Variants in PNISR observed in about 807,000 individuals in gnomAD.
PNISR encodes the protein PNN interacting serine and arginine rich protein, also known as arginine/serine-rich protein PNISR.
A neutral mutation model predicts 93.4 loss-of-function variants in PNISR; 20 were observed. That is an observed-to-expected ratio of 0.21 (90% confidence interval 0.15 to 0.31). The LOEUF (loss-of-function observed/expected upper bound fraction) is 0.31, where lower values mean the gene tolerates loss of function less well. Among genes scored for constraint, PNISR ranks in the 10% least tolerant of loss-of-function variants. The probability of loss-of-function intolerance (pLI) is 1.00; values close to 1 mark genes in which losing one functional copy is unlikely to be tolerated. For synonymous variants in PNISR, 305 were observed against 306.5 expected, an observed-to-expected ratio of 0.99 and a Z score of 0.05; for missense variants, 893 against 985.4, an observed-to-expected ratio of 0.91 and a Z score of 1.25.
Position 99,421,830 on chromosome 6 carries a change from C to T in PNISR, c.-112+3385G>A, listed in dbSNP as rs1778599690. On this transcript the variant is annotated intron_variant, in intron 1 of 11. Transcript: ENST00000369239. ...CTTAAATGTATCTATATTAGAACTT[C>T]ATCGCTTTGAGGTCCTAAAACAACT... Among the ~76,000 whole-genome samples, 12 of 152,294 alleles carry T rather than the reference C, an allele frequency of 7.9e-5. No individual in the cohort carries two copies. The South Asian group carries it at 2.5e-3, about 32-fold the overall frequency.
intron 3 of PNISR, among the ~76,000 whole-genome samples, 200 bp downstream of exon 3, chr6:99,414,372 A>C (rs1411563944): frequency 1.3e-5 from 2 of 152,252 alleles, no homozygotes; most frequent in African/African-American, 4.8e-5. Flanking sequence ...AAAGCTTTCT[A>C]CATTTTGAGA....
chr6:99,423,842 G>C (rs1041841870), intron 1 of PNISR, among the ~76,000 whole-genome samples: 1 of 152,088 alleles, frequency 6.6e-6, no homozygotes, highest in Non-Finnish European at 1.5e-5. Context: ...TAAGCTCTAT[G>C]GGGTTGATTT....
intron 1 of PNISR, 46 bp from the exon 2 acceptor site, chr6:99,416,474 C>G: frequency 1.6e-6 from 1 of 639,632 alleles, no homozygotes; most frequent in Non-Finnish European, 2.2e-6. Flanking sequence ...TATCATGATT[C>G]ACATAAAAAT....
At chr6:99,414,777 T>C (rs1777447739) in intron 2 of PNISR, 87 bp from the exon 3 acceptor site, 2 of 584,238 alleles carry the variant, frequency 3.4e-6, no homozygotes, top group Middle Eastern at 4.5e-4. Context: ...TGATGATACA[T>C]TTATTTCATC....
In PNISR at chr6:99,400,995, T is replaced by C. The variant is rs1337105114; in HGVS notation, c.1963A>G (p.Lys655Glu). ...QRGNLSGNSH[K>E]HKGEAKEQER... Reference sequence around the variant, plus strand: ...TGTTCTTTAGCCTCACCTTTATGCTTATGACTGTTCCCACTAAGATTTCCA... The same window carrying C: ...TGTTCTTTAGCCTCACCTTTATGCTCATGACTGTTCCCACTAAGATTTCCA... Residue 655 changes from lysine (K) to glutamate (E), a missense_variant, in exon 12 of 12, where the codon AAG becomes GAG. This residue lies in a region of PNISR where 866 missense variants were observed against 935.1 expected (regional missense o/e 0.93). Transcript: ENST00000369239. The C allele has an allele frequency of 6.2e-7, 1 of 1,613,518 alleles. No individual in the cohort carries two copies. The highest frequency in any genetic ancestry group is 8.5e-7 in the Non-Finnish European group (1 of 1,179,502).
intron 4 of PNISR, 73 bp from the exon 5 acceptor site, chr6:99,411,037 A>G: frequency 8.8e-7 from 1 of 1,137,784 alleles, no homozygotes. Context: ...TTAAGATCTC[A>G]AGAAAGATTT....
At chr6:99,405,203 A>C (rs1300209005) in intron 8 of PNISR, among the ~76,000 whole-genome samples, 1 of 152,130 alleles carries the variant, frequency 6.6e-6, no homozygotes, top group East Asian at 1.9e-4. Flanking sequence ...AGTGGCTCAC[A>C]CCTGTAATCC....
At chr6:99,413,088 C>T (rs1432686477) in intron 3 of PNISR, among the ~76,000 whole-genome samples, 1 of 12,428 alleles carries the variant, frequency 8.0e-5, no homozygotes. Context: ...AATGTCATCA[C>T]CTTTACAAAA....
intron 1 of PNISR, among the ~76,000 whole-genome samples, chr6:99,421,351 AACAGATACACTGAAGTCCT>A (rs1778527534): frequency 1.3e-5 from 2 of 152,240 alleles, no homozygotes; most frequent in African/African-American, 2.4e-5. Context: ...GTCCCCATCC[AACAGATACACTGAAGTCCT>A]AACTCCTGAT....
intron 11 of PNISR, 53 bp from the exon 12 acceptor site, chr6:99,401,683 T>C: frequency 1.5e-6 from 2 of 1,367,012 alleles, no homozygotes; most frequent in Non-Finnish European, 1.9e-6. Context: ...AAAATTCTCA[T>C]ACTACCAAAT....
rs1017081492 is a variant in PNISR, at chr6:99,412,775, T to C, written c.89-36A>G. On this transcript the variant is annotated intron_variant, in intron 3 of 11. Coordinates refer to ENST00000369239, the MANE Select transcript of PNISR (RefSeq NM_032870.4). ...TTAACACTGACTTCAGCATTCAGAA[T>C]GTAGGAGTTAAAAGAATAGTGCCTC... The C allele has an allele frequency of 2.2e-6, 3 of 1,346,744 alleles. No homozygotes were observed. The African/African-American group carries it at 4.4e-5, about 20-fold the overall frequency. The allele number at this position is 1,346,744 out of a possible 1,614,324, so 83.4% of individuals were successfully genotyped here. A position where few individuals can be genotyped will look rare whatever the true frequency, so the allele number is the denominator to read the frequency against.
At chr6:99,402,768 T>C (rs1775674657) in intron 10 of PNISR, 58 bp from the exon 11 acceptor site, 10 of 1,290,656 alleles carry the variant, frequency 7.7e-6, no homozygotes, top group Non-Finnish European at 9.5e-6. Context: ...CACTAAAAAC[T>C]TTTCAAGGTC....
At chr6:99,405,153 C>G (rs1775996936) in intron 8 of PNISR, among the ~76,000 whole-genome samples, 1 of 152,076 alleles carries the variant, frequency 6.6e-6, no homozygotes, top group African/African-American at 2.4e-5. Context: ...GAACATTTTT[C>G]TGTAACATCA....
chr6:99,403,939 T>C (rs367972040), intron 9 of PNISR, 57 bp from the exon 10 acceptor site: 2 of 1,225,746 alleles, frequency 1.6e-6, no homozygotes, highest in African/African-American at 1.5e-5. Flanking sequence ...CACGATTTCA[T>C]AGTCATGAGT....
intron 1 of PNISR, among the ~76,000 whole-genome samples, chr6:99,419,551 T>C (rs1367355860): frequency 6.6e-6 from 1 of 152,214 alleles, no homozygotes; most frequent in Non-Finnish European, 1.5e-5. Flanking sequence ...TGACCAGAGT[T>C]ACCTGTTTTG....
At chr6:99,414,426 A>G (rs763409086) in intron 3 of PNISR, 146 bp downstream of exon 3, 1 of 426,714 alleles carries the variant, frequency 2.3e-6, no homozygotes, top group Non-Finnish European at 4.2e-6. Context: ...ATGCTATGGC[A>G]AGGCTATTTA....
At chr6:99,401,872 G>T (rs962586013) in intron 11 of PNISR, among the ~76,000 whole-genome samples, 1 of 152,100 alleles carries the variant, frequency 6.6e-6, no homozygotes, top group Non-Finnish European at 1.5e-5. Context: ...AAAAAATTCT[G>T]TTCTCTTTTT....
chr6:99,401,378 G>GAGT lies in PNISR; in HGVS notation c.1579_1580insACT (p.Thr527delinsAsnSer). ...TGAAGAGCTAGAGACAGTACTACTA[G>GAGT]TACTACTAGTTCTGCTATTGCTACT... On this transcript the variant is annotated protein_altering_variant, in exon 12 of 12. Transcript: ENST00000369239. The GAGT allele has an allele frequency of 6.2e-7, 1 of 1,610,882 alleles. No homozygotes were observed.
At chr6:99,422,325 C>A (rs1451143333) in intron 1 of PNISR, among the ~76,000 whole-genome samples, 1 of 152,154 alleles carries the variant, frequency 6.6e-6, no homozygotes, top group Non-Finnish European at 1.5e-5. Context: ...AAATATTTCT[C>A]AAATCAACCA....
Sources: allele counts gnomAD v4.1 joint callset (sites outside exome capture counted in the v4.1 genomes callset), GRCh38; gene constraint gnomAD v4.1.1; regional missense constraint gnomAD v4.1.1; transcripts MANE v1.5; gene names NCBI Gene and HGNC (gene_info 2026-07-23, HGNC 2026-07-21).